Variants in COL3A1 observed in about 807,000 individuals in gnomAD.
COL3A1 encodes the protein collagen type III alpha 1 chain, also known as collagen alpha-1(III) chain.
In COL3A1, 46 loss-of-function variants were observed where a neutral mutation model predicts 200.9. That is an observed-to-expected ratio of 0.23 (90% confidence interval 0.18 to 0.29). The LOEUF is 0.29. COL3A1 is among the 10% of genes least tolerant of loss of function. COL3A1 has a pLI of 1.00. For synonymous variants in COL3A1, 650 were observed against 628.0 expected (o/e 1.03, Z -0.52); for missense variants, 1,367 against 1,917.6 (o/e 0.71, Z 5.36).
chr2:188,974,484 T>G lies in COL3A1; in HGVS notation c.-6T>G, dbSNP rs538598056. On this transcript the variant is annotated 5_prime_UTR_variant, in exon 1 of 51. The change creates a new upstream start codon in the 5' untranslated region. Transcript: ENST00000304636. ...GCACAAAGAGTCTCATGTCTGATAT[T>G]TAGACATGATGAGCTTTGTGCAAAA... is the stretch of plus-strand genomic sequence containing the variant. The G allele has an allele frequency of 1.9e-6, 3 of 1,612,464 alleles. No homozygotes were observed. Among genetic ancestry groups the G allele is most frequent in the African/African-American group, 2.7e-5 (2 of 74,998 alleles).
At chr2:188,975,868 T>C (rs1687799141) in intron 1 of COL3A1, among the ~76,000 whole-genome samples, 1 of 151,928 alleles carries the variant, frequency 6.6e-6, no homozygotes, top group African/African-American at 2.4e-5. Flanking sequence ...TAGACTTCTC[T>C]TCACTCATCA....
intron 35 of COL3A1, among the ~76,000 whole-genome samples, 155 bp downstream of exon 35, chr2:189,002,506 C>G (rs1037853536): frequency 6.6e-6 from 1 of 152,160 alleles, no homozygotes; most frequent in African/African-American, 2.4e-5. Flanking sequence ...TACTTTACCC[C>G]TATTGTCGCT....
chr2:188,992,032 T>C (rs1688200934), intron 13 of COL3A1, 152 bp from the exon 14 acceptor site: 2 of 780,974 alleles, frequency 2.6e-6, no homozygotes, highest in African/African-American at 3.4e-5. Context: ...ATCAGAATTG[T>C]AATAATTGAC....
At chr2:188,984,108 C>A (rs566128315) in intron 1 of COL3A1, among the ~76,000 whole-genome samples, 1 of 151,870 alleles carries the variant, frequency 6.6e-6, no homozygotes, top group African/African-American at 2.4e-5. Flanking sequence ...ACATCTTTTT[C>A]TTTTCTTTTT....
At position 188,994,237 on chromosome 2, in the gene COL3A1, C is replaced by A; in HGVS notation, c.1198C>A (p.Pro400Thr). The change falls in exon 18 of 51, where the codon CCC (proline) becomes ACC (threonine). Residue 400 changes from proline to threonine, a missense_variant. Around this residue, in one of 5 missense-constraint regions of COL3A1, gnomAD observed 462 missense variants for 681.4 expected, o/e 0.68. Transcript: ENST00000304636. The surrounding 1 kb of genome is among the most constrained non-coding windows in gnomAD (Gnocchi z 4.5). ...AGTGTCTTTGGTTTGTTCTTAGGGT[C>A]CCGCTGGCATTCCTGGAGCTCCTGG... ...GSPGGKGEMGPAGIPGAPGLM... is the reference protein window; with the variant it reads ...GSPGGKGEMGTAGIPGAPGLM... 1 of 1,614,024 alleles carries A rather than the reference C, an allele frequency of 6.2e-7. No individual in the cohort carries two copies. The highest frequency in any genetic ancestry group is 1.1e-5 in the South Asian group (1 of 91,068).
chr2:188,997,132 A>C, intron 24 of COL3A1, 33 bp from the exon 25 acceptor site: 3 of 1,603,100 alleles, frequency 1.9e-6, no homozygotes, highest in Non-Finnish European at 2.6e-6. Context: ...TTGCCCTTTG[A>C]GGATTAGTAA....
Position 188,994,532 on chromosome 2 carries a change from A to G in COL3A1, c.1294-9A>G. 1 of 1,614,108 alleles carries G rather than the reference A, an allele frequency of 6.2e-7. No individual in the cohort carries two copies. The highest frequency in any genetic ancestry group is 8.5e-7 in the Non-Finnish European group (1 of 1,180,004). On this transcript the variant is annotated splice_polypyrimidine_tract_variant and intron_variant, in intron 18 of 50. Coordinates refer to ENST00000304636, the MANE Select transcript of COL3A1 (RefSeq NM_000090.4). The surrounding 1 kb of genome is among the most constrained non-coding windows in gnomAD (Gnocchi z 4.5). The stretch of plus-strand genomic sequence containing the variant: ...CCTGTGTTTCAACCAAGACTTTGTT[A>G]TACTTTAGGGTGAGCCTGGTAAGAA...
At chr2:188,999,629 T>C (rs1559058779) in intron 31 of COL3A1, 52 bp downstream of exon 31, 6 of 1,561,090 alleles carry the variant, frequency 3.8e-6, no homozygotes, top group Non-Finnish European at 4.4e-6. Flanking sequence ...TTGTAGGTTT[T>C]AAAAAAAGCA....
chr2:189,002,463 T>C (rs2153503318), intron 35 of COL3A1, 112 bp downstream of exon 35: 1 of 900,724 alleles, frequency 1.1e-6, no homozygotes, highest in African/African-American at 1.6e-5. Context: ...AGCTGCTCAT[T>C]CCCTATAGGA....
rs185935006 is a variant in COL3A1 at position 188,980,786 on chromosome 2, A to C, written c.80-3974A>C. On this transcript the variant is annotated intron_variant, in intron 1 of 50. Coordinates refer to ENST00000304636, the MANE Select transcript of COL3A1 (RefSeq NM_000090.4). ...TTTTATTAAAATTTATGTTTTCCAA[A>C]CAATATCATTTAAAAGGCAAACCAA... Among the ~76,000 whole-genome samples, 408 of 151,208 alleles carry C rather than the reference A, an allele frequency of 2.7e-3. 4 individuals are homozygous for C. The highest frequency in any genetic ancestry group is 3.2e-3 in the Non-Finnish European group (217 of 67,406).
chr2:188,995,845 GA>G (rs1270200710), intron 22 of COL3A1, 55 bp downstream of exon 22: 1 of 1,373,156 alleles, frequency 7.3e-7, no homozygotes. Context: ...AGAAAGGCAA[GA>G]CAAATGAAGA....
rs745440847 is a variant in COL3A1 at position 188,999,853 on chromosome 2, C to A, written c.2241C>A (p.Gly747=). The change falls in exon 32 of 51, where the codon GGC becomes GGA. Residue 747 remains glycine, a synonymous_variant. Transcript: ENST00000304636. ...PGPKGDKGEP[G]GPGADGVPGK... is the part of the protein sequence containing the mutation. ...CTTTTATTTGACAGGGTGAACCAGGCGGTCCAGGTGCTGATGGTGTCCCAG... is the reference window on the plus strand; with the variant it reads ...CTTTTATTTGACAGGGTGAACCAGGAGGTCCAGGTGCTGATGGTGTCCCAG... The A allele has an allele frequency of 1.3e-6, 2 of 1,596,274 alleles. No homozygotes were observed. The highest frequency in any genetic ancestry group is 2.3e-5 in the East Asian group (1 of 44,380).
rs1688319570 is a variant in COL3A1 at position 188,996,403 on chromosome 2, T to G, written c.1668T>G (p.Ser556Arg). Residue 556 changes from serine (S) to arginine (R), a missense_variant, in exon 24 of 51, where the codon AGT becomes AGG. Ser to Arg is a moderately radical substitution (Grantham distance 110). Coordinates refer to ENST00000304636, the MANE Select transcript of COL3A1 (RefSeq NM_000090.4). ...GSDGKPGPPG[S>R]QGESGRPGPP... ...ATGTAATTTTTTCTTATTAGGGAAGTCAAGGAGAAAGTGGTCGACCAGGTC... is the reference window on the plus strand; with the variant it reads ...ATGTAATTTTTTCTTATTAGGGAAGGCAAGGAGAAAGTGGTCGACCAGGTC... The G allele has an allele frequency of 1.9e-6, 3 of 1,613,308 alleles. No homozygotes were observed. The highest frequency in any genetic ancestry group is 2.5e-6 in the Non-Finnish European group (3 of 1,179,654).
chr2:189,010,948 T>G, intron 50 of COL3A1, 58 bp downstream of exon 50: 1 of 1,601,072 alleles, frequency 6.2e-7, no homozygotes, highest in Middle Eastern at 1.7e-4. Flanking sequence ...AGTTTAATCA[T>G]GCAAATTATT....
intron 40 of COL3A1, 92 bp downstream of exon 40, chr2:189,004,456 ACT>A: frequency 8.4e-7 from 1 of 1,185,500 alleles, no homozygotes; most frequent in Middle Eastern, 2.8e-4. Context: ...TTTTTCTGTC[ACT>A]GGAGTAAATT....
chr2:188,990,173 T>C (rs923541572), intron 9 of COL3A1, 24 bp downstream of exon 9: 3 of 1,611,994 alleles, frequency 1.9e-6, no homozygotes, highest in African/African-American at 2.7e-5. Context: ...ATCTAATAAA[T>C]TAATTGGAAT....
chr2:188,983,215 A>G (rs1241987811), intron 1 of COL3A1, among the ~76,000 whole-genome samples: 1 of 151,942 alleles, frequency 6.6e-6, no homozygotes, highest in African/African-American at 2.4e-5. Context: ...TAAATAAACA[A>G]ATTATTTGCC....
rs1576468112 is a variant in COL3A1, at chr2:188,999,277, T to C, written c.2023-8T>C. 2 of 1,561,266 alleles carry C rather than the reference T, an allele frequency of 1.3e-6. No homozygotes were observed. Among genetic ancestry groups the C allele is most frequent in the Non-Finnish European group, 1.7e-6 (2 of 1,151,962 alleles). On this transcript the variant is annotated splice_region_variant and splice_polypyrimidine_tract_variant and intron_variant, in intron 29 of 50. Transcript: ENST00000304636. ...TCTAATATGGTTATTTACATATTTT[T>C]GTCACAGGGTGATGCTGGTGCCCCT...
At position 188,984,867 on chromosome 2, in the gene COL3A1, G is replaced by A. The variant is rs1688031625; in HGVS notation, c.187G>A (p.Asp63Asn). 3 of 1,613,184 alleles carry A rather than the reference G, an allele frequency of 1.9e-6. No individual in the cohort carries two copies. The highest frequency in any genetic ancestry group is 2.5e-6 in the Non-Finnish European group (3 of 1,179,428). Residue 63 changes from aspartate (D) to asparagine (N), a missense_variant, in exon 2 of 51, where the codon GAT becomes AAT. By Grantham distance (23) the Asp-to-Asn change is conservative. This residue lies in a region of COL3A1 where 462 missense variants were observed against 681.4 expected (regional missense o/e 0.68). Coordinates refer to ENST00000304636, the MANE Select transcript of COL3A1 (RefSeq NM_000090.4). ...CTGTGACTCAGGATCCGTTCTCTGC[G>A]ATGACATAATATGTGACGATCAAGA... ...CVCDSGSVLC[D>N]DIICDDQELD... is the part of the protein sequence containing the mutation.
Sources: allele counts gnomAD v4.1 joint callset (sites outside exome capture counted in the v4.1 genomes callset), GRCh38; gene constraint gnomAD v4.1.1; regional missense constraint gnomAD v4.1.1; non-coding constraint Gnocchi (gnomAD v3.1); transcripts MANE v1.5; gene names NCBI Gene and HGNC (gene_info 2026-07-23, HGNC 2026-07-21).